Variants in PHC3 observed in about 807,000 individuals in gnomAD.
The protein encoded by PHC3 is polyhomeotic-like protein 3.
In PHC3, 13 loss-of-function variants were observed where a neutral mutation model predicts 107.4. The observed-to-expected ratio is 0.12, with a 90% CI of 0.08 to 0.19. PHC3 has a LOEUF of 0.19. PHC3 is among the 10% of genes least tolerant of loss of function. PHC3 has a pLI of 1.00. For synonymous variants in PHC3, 456 were observed against 427.4 expected, an observed-to-expected ratio of 1.07 and a Z score of -0.83; for missense variants, 992 against 1,210.9, an observed-to-expected ratio of 0.82 and a Z score of 2.68.
Position 170,102,482 on chromosome 3 carries a change from G to T in PHC3, c.2830C>A (p.Pro944Thr), listed in dbSNP as rs771526788. Residue 944 changes from proline (P) to threonine (T), a missense_variant, in exon 14 of 15, where the codon CCT (proline) becomes ACT (threonine). Physicochemically the swap from Pro to Thr is conservative, Grantham distance 38 (BLOSUM62 -1). Transcript: ENST00000495893. The part of the protein sequence containing the change: ...DDVWAFIHSL[P>T]GCQDIADEFR... Reference sequence around the variant, plus strand: ...GCCAAAGTGATGAATTACATACCAGGCAAAGAATGGATGAAGGCCCAGACA... The same window carrying T: ...GCCAAAGTGATGAATTACATACCAGTCAAAGAATGGATGAAGGCCCAGACA... 4 of 1,612,786 alleles carry T rather than the reference G, an allele frequency of 2.5e-6. No individual in the cohort carries two copies. In the African/African-American group the frequency reaches 5.3e-5, roughly 22 times the overall value.
chr3:170,147,778 C>T (rs1560095359), intron 5 of PHC3: 1 of 152,068 alleles, frequency 6.6e-6, no homozygotes, highest in Non-Finnish European at 1.5e-5. Flanking sequence ...GTATAACTTT[C>T]CTGAAAAGGT....
intron 6 of PHC3, among the ~76,000 whole-genome samples, chr3:170,137,040 G>T (rs572243298): frequency 1.3e-5 from 2 of 152,206 alleles, no homozygotes; most frequent in East Asian, 3.9e-4. Flanking sequence ...ATATATGTAT[G>T]AACTGTGAAT....
chr3:170,125,130 G>T lies in PHC3; in HGVS notation c.1789-2386C>A, dbSNP rs79006303. Among the ~76,000 whole-genome samples the T allele has an allele frequency of 9.9e-3, 1,512 of 152,208 alleles. 34 individuals are homozygous for T. Among genetic ancestry groups the T allele is most frequent in the African/African-American group, 0.034 (1,430 of 41,538 alleles). On this transcript the variant is annotated intron_variant, in intron 8 of 14. Coordinates refer to ENST00000495893, the MANE Select transcript of PHC3 (RefSeq NM_024947.4). Reference sequence around the variant, plus strand: ...CTCACAACCCTGCACCTGGAAACCAGTTACACTAAGAGAGATTCTGTGCCT... The same window carrying T: ...CTCACAACCCTGCACCTGGAAACCATTTACACTAAGAGAGATTCTGTGCCT...
At chr3:170,132,997 G>C (rs1447411539) in intron 7 of PHC3, among the ~76,000 whole-genome samples, 7 of 151,994 alleles carry the variant, frequency 4.6e-5, no homozygotes. Context: ...AGAAAACCAA[G>C]TTACTTTGGC....
At chr3:170,102,976 G>A (rs200268826) in intron 12 of PHC3, 42 bp from the exon 13 acceptor site, 1 of 1,544,272 alleles carries the variant, frequency 6.5e-7, no homozygotes, top group Admixed American at 1.9e-5. Flanking sequence ...TGATATATGG[G>A]ACAATCCATT....
intron 7 of PHC3, among the ~76,000 whole-genome samples, chr3:170,132,415 G>A (rs1722402648): frequency 6.6e-6 from 1 of 152,148 alleles, no homozygotes. Flanking sequence ...GAATGTTTGT[G>A]GCACAAAATT....
chr3:170,155,658 T>C (rs1288792506), intron 4 of PHC3, among the ~76,000 whole-genome samples: 1 of 151,912 alleles, frequency 6.6e-6, no homozygotes, highest in East Asian at 1.9e-4. Context: ...GAGGCGGAGG[T>C]TGCAGTGAGC....
rs568914838 is a variant in PHC3 at position 170,127,354 on chromosome 3, A to G, written c.1788+1330T>C. 3.9e-5 allele frequency among the ~76,000 whole-genome samples: 6 copies of G among 152,130 alleles called. No individual in the cohort carries two copies. In the East Asian group the frequency reaches 9.7e-4, roughly 25 times the overall value. On this transcript the variant is annotated intron_variant, in intron 8 of 14. Coordinates refer to ENST00000495893, the MANE Select transcript of PHC3 (RefSeq NM_024947.4). ...GTAATTTTTGTATTTTTCTGTGTAGACAGGGTTTCACCCTGTTTGCCAGGC... is the reference window on the plus strand; with the variant it reads ...GTAATTTTTGTATTTTTCTGTGTAGGCAGGGTTTCACCCTGTTTGCCAGGC...
intron 7 of PHC3, among the ~76,000 whole-genome samples, chr3:170,130,263 A>C (rs1722039284): frequency 6.6e-6 from 1 of 152,146 alleles, no homozygotes; most frequent in African/African-American, 2.4e-5. Flanking sequence ...AAAATCATAA[A>C]AATACTATAT....
chr3:170,107,850 G>A (rs531994238), intron 11 of PHC3, among the ~76,000 whole-genome samples: 6 of 151,932 alleles, frequency 3.9e-5, no homozygotes, highest in Non-Finnish European at 5.9e-5. Flanking sequence ...CTAAATCCCC[G>A]GGTACTCGGC....
chr3:170,119,605 TAAGAG>T (rs1368877955), intron 9 of PHC3, among the ~76,000 whole-genome samples: 1 of 152,148 alleles, frequency 6.6e-6, no homozygotes, highest in Admixed American at 6.5e-5. Context: ...CCTCTAGATT[TAAGAG>T]AAGTATGAGA....
rs779701440 is a variant in PHC3 at position 170,149,221 on chromosome 3, T to C, written c.438A>G (p.Thr146=). 28 of 1,612,120 alleles carry C rather than the reference T, an allele frequency of 1.7e-5. No individual in the cohort carries two copies. Among genetic ancestry groups the C allele is most frequent in the Non-Finnish European group, 2.3e-5 (27 of 1,179,508 alleles). The change falls in exon 5 of 15, where the codon ACA becomes ACG. Residue 146 remains threonine (T), a synonymous_variant. Transcript: ENST00000495893. ...QTSINLSTSP[T]PAQLISRSQA... is the part of the protein sequence containing the mutation. Reference sequence around the variant, plus strand: ...GGGAACGGCTTATTAACTGTGCAGGTGTAGGAGAAGTGGAGAGGTTGATCT... The same window carrying C: ...GGGAACGGCTTATTAACTGTGCAGGCGTAGGAGAAGTGGAGAGGTTGATCT...
chr3:170,159,670 C>T (rs1328584805), intron 4 of PHC3, among the ~76,000 whole-genome samples: 1 of 152,100 alleles, frequency 6.6e-6, no homozygotes, highest in Non-Finnish European at 1.5e-5. Context: ...TAGTTTCACA[C>T]TAAGAGGGCC....
chr3:170,144,319 C>A (rs889932433), intron 6 of PHC3, among the ~76,000 whole-genome samples: 2 of 144,386 alleles, frequency 1.4e-5, no homozygotes, highest in African/African-American at 5.1e-5. Flanking sequence ...CCAGCTTGGT[C>A]AATAAGAGCA....
chr3:170,126,049 A>C, intron 8 of PHC3: 1 of 730,840 alleles, frequency 1.4e-6, no homozygotes, highest in Non-Finnish European at 1.7e-6. Flanking sequence ...ATCTACCCTC[A>C]ACATACTTAT....
intron 4 of PHC3, among the ~76,000 whole-genome samples, chr3:170,152,775 C>T (rs941082698): frequency 2.0e-5 from 3 of 151,934 alleles, no homozygotes; most frequent in Non-Finnish European, 4.4e-5. Flanking sequence ...ATCCTTCCAC[C>T]TCAGCCTCCT....
chr3:170,175,234 A>C (rs1205050173), intron 2 of PHC3, among the ~76,000 whole-genome samples: 1 of 152,246 alleles, frequency 6.6e-6, no homozygotes, highest in Admixed American at 6.5e-5. Context: ...CTATGGTCTC[A>C]TAAGAAACAG....
rs1043514700 is a variant in PHC3 at position 170,172,468 on chromosome 3, C to G, written c.336+89G>C. The G allele has an allele frequency of 2.8e-6, 4 of 1,417,482 alleles. No homozygotes were observed. The African/African-American group carries it at 5.8e-5, about 21-fold the overall frequency. 87.8% of individuals were successfully genotyped at this position (1,417,482 alleles called of 1,614,324 possible). On this transcript the variant is annotated intron_variant, in intron 3 of 14. Coordinates refer to ENST00000495893, the MANE Select transcript of PHC3 (RefSeq NM_024947.4). ...AAAATAACCACAGGACATCTGAGAA[C>G]TCTGAAATAATACCCAATCTATTTA... is the stretch of plus-strand genomic sequence containing the variant.
intron 1 of PHC3, among the ~76,000 whole-genome samples, chr3:170,180,722 G>A (rs1002423418): frequency 6.6e-6 from 1 of 152,040 alleles, no homozygotes; most frequent in Non-Finnish European, 1.5e-5. Context: ...ACATGCAAAA[G>A]GCCAGCTTAA....
Sources: allele counts gnomAD v4.1 joint callset (sites outside exome capture counted in the v4.1 genomes callset), GRCh38; gene constraint gnomAD v4.1.1; transcripts MANE v1.5; gene names NCBI Gene and HGNC (gene_info 2026-07-23, HGNC 2026-07-21).